Variants in ZFYVE9 observed in about 807,000 individuals in gnomAD.
ZFYVE9 encodes zinc finger FYVE domain-containing protein 9.
ZFYVE9 carries 43 observed loss-of-function variants against 126.7 expected under a neutral mutation model. That is an observed-to-expected ratio of 0.34 (90% CI 0.27 to 0.44). The LOEUF (loss-of-function observed/expected upper bound fraction) is 0.44, where lower values mean the gene tolerates loss of function less well. Ranked by LOEUF, ZFYVE9 falls within the 20% of genes least tolerant of loss-of-function variation. The pLI is 1.00. For synonymous variants in ZFYVE9, 521 were observed against 597.4 expected (o/e 0.87, Z 1.87); for missense variants, 1,476 against 1,697.0 (o/e 0.87, Z 2.29).
chr1:52,251,538 C>G (rs541064786), intron 4 of ZFYVE9, among the ~76,000 whole-genome samples: 1 of 152,188 alleles, frequency 6.6e-6, no homozygotes, highest in African/African-American at 2.4e-5. Context: ...TCCTTGCATT[C>G]CAGTAATAAA....
At chr1:52,179,952 C>G (rs544606572) in intron 1 of ZFYVE9, 1 of 1,071,102 alleles carries the variant, frequency 9.3e-7, no homozygotes, top group African/African-American at 1.6e-5. Flanking sequence ...GCAGCGCATC[C>G]TCCAGCAGTC....
chr1:52,182,600 A>G (rs1225265048), intron 1 of ZFYVE9, among the ~76,000 whole-genome samples: 1 of 151,924 alleles, frequency 6.6e-6, no homozygotes, highest in Non-Finnish European at 1.5e-5. Flanking sequence ...GTACCCAGGG[A>G]CACAAACACT....
At chr1:52,330,724 G>T (rs1302738594) in intron 13 of ZFYVE9, among the ~76,000 whole-genome samples, 1 of 152,080 alleles carries the variant, frequency 6.6e-6, no homozygotes, top group Non-Finnish European at 1.5e-5. Context: ...TATCAGTGGG[G>T]TCTTTGTGAC....
chr1:52,197,519 G>A (rs556381295), intron 1 of ZFYVE9, among the ~76,000 whole-genome samples: 6 of 152,144 alleles, frequency 3.9e-5, no homozygotes, highest in Admixed American at 2.0e-4. Context: ...AGAGGACTGA[G>A]TACAGAACTC....
At chr1:52,331,392 T>A (rs1403149567) in intron 13 of ZFYVE9, among the ~76,000 whole-genome samples, 1 of 149,872 alleles carries the variant, frequency 6.7e-6, no homozygotes, top group Non-Finnish European at 1.5e-5. Flanking sequence ...GGTGGGAGGA[T>A]CACCTGAGCC....
chr1:52,332,714 T>C (rs745609717), intron 13 of ZFYVE9, 54 bp from the exon 14 acceptor site: 68 of 1,586,364 alleles, frequency 4.3e-5, no homozygotes, highest in Non-Finnish European at 5.3e-5. Flanking sequence ...TTGCACCATG[T>C]CAGACAGAAA....
In ZFYVE9 at chr1:52,282,356, A is replaced by G. The variant is rs554187005; in HGVS notation, c.3025+540A>G. ...AGAGAAAAGAAACACATTATTTGACATTATAGTTATTTATTATGACATTGT... is the reference window on the plus strand; with the variant it reads ...AGAGAAAAGAAACACATTATTTGACGTTATAGTTATTTATTATGACATTGT... On this transcript the variant is annotated intron_variant, in intron 10 of 18. Coordinates refer to ENST00000287727, the MANE Select transcript of ZFYVE9 (RefSeq NM_004799.4). Among the ~76,000 whole-genome samples the G allele has an allele frequency of 1.6e-4, 24 of 152,324 alleles. No homozygotes were observed. In the South Asian group the frequency reaches 2.9e-3, roughly 18 times the overall value.
At chr1:52,191,361 A>G (rs1034842099) in intron 1 of ZFYVE9, among the ~76,000 whole-genome samples, 1 of 152,232 alleles carries the variant, frequency 6.6e-6, no homozygotes, top group Non-Finnish European at 1.5e-5. Context: ...GGCTAAGGTC[A>G]CTGAAAAGTT....
chr1:52,331,458 A>G (rs1170664304), intron 13 of ZFYVE9, among the ~76,000 whole-genome samples: 2 of 151,610 alleles, frequency 1.3e-5, no homozygotes, highest in African/African-American at 4.8e-5. Flanking sequence ...CTTAAAAAAA[A>G]AAAAAAAGTG....
intron 1 of ZFYVE9, among the ~76,000 whole-genome samples, chr1:52,147,497 G>A (rs1219405393): frequency 3.3e-5 from 5 of 152,254 alleles, no homozygotes; most frequent in Non-Finnish European, 2.9e-5. Context: ...GGAATCATAC[G>A]ATATATGACT....
rs76836504 is a variant in ZFYVE9, at chr1:52,312,732, G to A, written c.3438+8807G>A. ...CTATTGAAGTAAGACCAAAGTTATG[G>A]CTATCTATCAGGGGTGTACGGTTCT... is the stretch of plus-strand genomic sequence containing the variant. On this transcript the variant is annotated intron_variant, in intron 13 of 18. Coordinates refer to ENST00000287727, the MANE Select transcript of ZFYVE9 (RefSeq NM_004799.4). Among the ~76,000 whole-genome samples, 131 of 152,242 alleles carry A rather than the reference G, an allele frequency of 8.6e-4. 1 individual carries two copies. The East Asian group carries it at 0.024, about 28-fold the overall frequency.
At chr1:52,178,151 C>T (rs748896912) in intron 1 of ZFYVE9, among the ~76,000 whole-genome samples, 8 of 151,074 alleles carry the variant, frequency 5.3e-5, no homozygotes, top group Admixed American at 1.3e-4. Flanking sequence ...TGGTGGCTGG[C>T]GCCTGTAGTC....
intron 4 of ZFYVE9, chr1:52,253,683 A>G (rs1169594626): frequency 1.9e-6 from 3 of 1,601,300 alleles, no homozygotes; most frequent in Admixed American, 3.3e-5. Flanking sequence ...AGACTGGAAC[A>G]GTACGGGAAA....
chr1:52,193,789 AACAC>A (rs111938809), intron 1 of ZFYVE9, among the ~76,000 whole-genome samples: 5 of 151,398 alleles, frequency 3.3e-5, no homozygotes, highest in Non-Finnish European at 7.4e-5. Flanking sequence ...TTTATCTTCA[AACAC>A]ACACGCACGC....
At chr1:52,168,107 A>C (rs186471705) in intron 1 of ZFYVE9, among the ~76,000 whole-genome samples, 1 of 152,136 alleles carries the variant, frequency 6.6e-6, no homozygotes, top group Admixed American at 6.5e-5. Context: ...TATACTTCTT[A>C]TTTAAGAAAA....
intron 1 of ZFYVE9, among the ~76,000 whole-genome samples, chr1:52,157,196 A>G (rs560192774): frequency 3.3e-5 from 5 of 152,070 alleles, no homozygotes; most frequent in Non-Finnish European, 7.4e-5. Context: ...GGACTTGGGA[A>G]TAATTTTACA....
chr1:52,341,420 C>G (rs1646436594), intron 17 of ZFYVE9, among the ~76,000 whole-genome samples: 1 of 152,154 alleles, frequency 6.6e-6, no homozygotes, highest in Admixed American at 6.5e-5. Context: ...GGCAGTGACC[C>G]TTTTTTGTAT....
rs193263856 is a variant in ZFYVE9 at position 52,192,083 on chromosome 1, G to C, written c.-142-24286G>C. Among the ~76,000 whole-genome samples, 24 of 151,216 alleles carry C rather than the reference G, an allele frequency of 1.6e-4. No individual in the cohort carries two copies. In the East Asian group the frequency reaches 4.5e-3, roughly 28 times the overall value. On this transcript the variant is annotated intron_variant, in intron 1 of 18. Coordinates refer to ENST00000287727, the MANE Select transcript of ZFYVE9 (RefSeq NM_004799.4). ...TGAAACACAGTGAATTTAAGAGGAAGATACCCAAACATCAGACTCTGTGCA... is the reference window on the plus strand; with the variant it reads ...TGAAACACAGTGAATTTAAGAGGAACATACCCAAACATCAGACTCTGTGCA...
Position 52,216,323 on chromosome 1 carries a change from G to A in ZFYVE9, c.-142-46G>A, listed in dbSNP as rs1435857814. The A allele has an allele frequency of 5.5e-5, 22 of 398,068 alleles. No individual in the cohort carries two copies. In the East Asian group the frequency reaches 7.5e-4, roughly 14 times the overall value. The allele number at this position is 398,068 out of a possible 1,614,324, so 24.7% of individuals were successfully genotyped here. A position where few individuals can be genotyped will look rare whatever the true frequency, so the allele number is the denominator to read the frequency against. On this transcript the variant is annotated intron_variant, in intron 1 of 18. Transcript: ENST00000287727. ...GTAGATTTATATGAAGAAAATGAGGGCTTATTGTTTCAGCAAGTGTAATGA... is the reference window on the plus strand; with the variant it reads ...GTAGATTTATATGAAGAAAATGAGGACTTATTGTTTCAGCAAGTGTAATGA...
Sources: allele counts gnomAD v4.1 joint callset (sites outside exome capture counted in the v4.1 genomes callset), GRCh38; gene constraint gnomAD v4.1.1; transcripts MANE v1.5; gene names NCBI Gene and HGNC (gene_info 2026-07-23, HGNC 2026-07-21).